NEXN: variants seen among roughly 807,000 people sequenced by gnomAD.
NEXN encodes the protein nexilin.
In NEXN, 65 loss-of-function variants were observed where a neutral mutation model predicts 92.6. The observed-to-expected ratio is 0.70, with a 90% confidence interval of 0.57 to 0.86. The LOEUF (loss-of-function observed/expected upper bound fraction) is 0.86, where lower values mean the gene tolerates loss of function less well. Among genes scored for constraint, NEXN ranks in the 40% least tolerant of loss-of-function variants. NEXN has a pLI of 0.00. For synonymous variants in NEXN, 254 were observed against 242.5 expected (o/e 1.05, Z -0.44); for missense variants, 778 against 771.1 (o/e 1.01, Z -0.11).
At chr1:77,894,732 T>TA (rs1647185503) in intron 1 of NEXN, among the ~76,000 whole-genome samples, 1 of 151,986 alleles carries the variant, frequency 6.6e-6, no homozygotes, top group South Asian at 2.1e-4. Flanking sequence ...TCCTTTTTTT[T>TA]AGAGATGGAG....
chr1:77,889,704 T>C (rs998190719), intron 1 of NEXN, among the ~76,000 whole-genome samples: 1 of 152,154 alleles, frequency 6.6e-6, no homozygotes, highest in African/African-American at 2.4e-5. Context: ...CATAAGGATA[T>C]GTCCTAACAA....
At chr1:77,917,867 T>C in intron 3 of NEXN, 93 bp from the exon 4 acceptor site, 2 of 1,428,930 alleles carry the variant, frequency 1.4e-6, no homozygotes, top group Non-Finnish European at 2.0e-6. Context: ...TAAAATACTT[T>C]TCTGTATTTG....
rs1650124356 is a variant in NEXN at position 77,929,494 on chromosome 1, G to A, written c.1043G>A (p.Arg348Lys). The A allele has an allele frequency of 1.2e-6, 2 of 1,612,322 alleles. No homozygotes were observed. Among genetic ancestry groups the A allele is most frequent in the Admixed American group, 1.7e-5 (1 of 60,004 alleles). ...GAAAAGAAGGCGTTTGCTGAAGCAA[G>A]GAGAAATATGGTAAGACAGAAGCTA... ...EEEKKAFAEA[R>K]RNMVVDDDSP... Residue 348 changes from arginine to lysine, a missense_variant, in exon 9 of 13, where the codon AGG becomes AAG. Around this residue, in one of 3 missense-constraint regions of NEXN, gnomAD observed 532 missense variants for 476.7 expected, o/e 1.12. Transcript: ENST00000334785.
chr1:77,910,714 G>A (rs1201937439), intron 1 of NEXN, among the ~76,000 whole-genome samples: 3 of 130,234 alleles, frequency 2.3e-5, no homozygotes, highest in African/African-American at 9.1e-5. Flanking sequence ...CTGTGCCATT[G>A]CACTCCAGCC....
chr1:77,918,005 A>T lies in NEXN; in HGVS notation c.265A>T (p.Lys89Ter). The part of the protein sequence containing the change: ...ASDDEEDVSS[K>*]VEKAYVPKLT... Reference sequence around the variant, plus strand: ...TGATGATGAGGAAGATGTATCTTCTAAAGTAGAAAAGGCTTATGTTCCAAA... The same window carrying T: ...TGATGATGAGGAAGATGTATCTTCTTAAGTAGAAAAGGCTTATGTTCCAAA... Residue 89 changes from lysine (K) to a stop codon, truncating the protein, a stop_gained, in exon 4 of 13, where the codon AAA (lysine) becomes TAA (stop). Transcript: ENST00000334785. LOFTEE classifies it high-confidence loss of function. 1 of 1,613,556 alleles carries T rather than the reference A, an allele frequency of 6.2e-7. No individual in the cohort carries two copies. The highest frequency in any genetic ancestry group is 8.5e-7 in the Non-Finnish European group (1 of 1,179,618).
intron 6 of NEXN, among the ~76,000 whole-genome samples, chr1:77,925,705 T>G (rs1649790451): frequency 6.6e-6 from 1 of 152,114 alleles, no homozygotes; most frequent in African/African-American, 2.4e-5. Context: ...CCCTTTTATC[T>G]AACAGAATAA....
In NEXN at chr1:77,926,601, C is replaced by T; in HGVS notation, c.677C>T (p.Ser226Leu). Residue 226 changes from serine (S) to leucine (L), a missense_variant, in exon 7 of 13, where the codon TCA becomes TTA. By Grantham distance (145) the Ser-to-Leu change is moderately radical. This residue lies in a region of NEXN where 236 missense variants were observed against 265.6 expected (regional missense o/e 0.89). Coordinates refer to ENST00000334785, the MANE Select transcript of NEXN (RefSeq NM_144573.4). ...TCTCTCAAGGAAGCAAAGTGTCTTT[C>T]ATTAGTTATGGTAAATTTTTGTTTG... ...RPSLKEAKCL[S>L]LVMDDEIESE... The T allele has an allele frequency of 6.2e-7, 1 of 1,613,886 alleles. No homozygotes were observed. Among genetic ancestry groups the T allele is most frequent in the Non-Finnish European group, 8.5e-7 (1 of 1,179,928 alleles).
At chr1:77,941,972 CTTT>C (rs919171337) in intron 11 of NEXN, 48 bp from the exon 12 acceptor site, 5 of 1,565,970 alleles carry the variant, frequency 3.2e-6, no homozygotes, top group African/African-American at 1.4e-5. Context: ...AGTAACGCTT[CTTT>C]GTTTTTAGAA....
At chr1:77,900,214 G>C (rs1337643579) in intron 1 of NEXN, among the ~76,000 whole-genome samples, 1 of 152,040 alleles carries the variant, frequency 6.6e-6, no homozygotes. Flanking sequence ...GTTCATTCTG[G>C]TTCTTTTTCC....
chr1:77,911,739 T>TTA (rs34038877), intron 1 of NEXN, among the ~76,000 whole-genome samples: 4,333 of 148,352 alleles, frequency 0.029, 102 homozygotes, highest in East Asian at 0.11. Flanking sequence ...ATAGCCTGTT[T>TTA]TATATATATA....
At chr1:77,901,763 A>G (rs1263613398) in intron 1 of NEXN, among the ~76,000 whole-genome samples, 1 of 152,156 alleles carries the variant, frequency 6.6e-6, no homozygotes, top group Non-Finnish European at 1.5e-5. Context: ...TTTCTTTAAC[A>G]TCACAGATCT....
chr1:77,941,849 C>T, intron 11 of NEXN, 174 bp from the exon 12 acceptor site: 1 of 619,600 alleles, frequency 1.6e-6, no homozygotes. Flanking sequence ...ATAAATGTAT[C>T]TATCACTTTT....
intron 1 of NEXN, among the ~76,000 whole-genome samples, chr1:77,903,949 G>A (rs1038566484): frequency 1.3e-5 from 2 of 152,084 alleles, no homozygotes; most frequent in Non-Finnish European, 2.9e-5. Context: ...GGGAGGAGAT[G>A]ATAAAATAAG....
In NEXN at chr1:77,900,774, G is replaced by T. The variant is rs1052771330; in HGVS notation, c.-53+12015G>T. Reference sequence around the variant, plus strand: ...AACCACCTGTTCCATCTTATCTTTTGATCACTGGTTTCTTTCTAATCGTAT... The same window carrying T: ...AACCACCTGTTCCATCTTATCTTTTTATCACTGGTTTCTTTCTAATCGTAT... On this transcript the variant is annotated intron_variant, in intron 1 of 12. Coordinates refer to ENST00000334785, the MANE Select transcript of NEXN (RefSeq NM_144573.4). 2.0e-5 allele frequency among the ~76,000 whole-genome samples: 3 copies of T among 152,062 alleles called. No individual in the cohort carries two copies. The East Asian group carries it at 5.8e-4, about 29-fold the overall frequency.
rs553786526 is a variant in NEXN at position 77,942,003 on chromosome 1, C to T, written c.1474-20C>T. The stretch of plus-strand genomic sequence containing the variant: ...TTTTAGAAGGCAAGCAATTGTTAAT[C>T]TTGGCCCACTTTCTTGCAGGAAGAT... On this transcript the variant is annotated intron_variant, in intron 11 of 12. Transcript: ENST00000334785. The T allele has an allele frequency of 6.2e-7, 1 of 1,608,546 alleles. No individual in the cohort carries two copies. Among genetic ancestry groups the T allele is most frequent in the East Asian group, 2.2e-5 (1 of 44,710 alleles).
chr1:77,897,827 T>G (rs1326491530), intron 1 of NEXN, among the ~76,000 whole-genome samples: 2 of 151,954 alleles, frequency 1.3e-5, no homozygotes, highest in African/African-American at 2.4e-5. Context: ...GGATACAAAA[T>G]CAATGTGCAA....
intron 1 of NEXN, among the ~76,000 whole-genome samples, chr1:77,891,472 A>C (rs1213020264): frequency 6.6e-6 from 1 of 151,916 alleles, no homozygotes; most frequent in Admixed American, 6.6e-5. Flanking sequence ...CCTTCTTGAC[A>C]TCTCTTCCTT....
At chr1:77,922,174 C>T (rs1219386991) in intron 5 of NEXN, among the ~76,000 whole-genome samples, 2 of 139,882 alleles carry the variant, frequency 1.4e-5, no homozygotes, top group Admixed American at 7.5e-5. Context: ...GAGTCTCGCT[C>T]TGTCACCCAG....
At chr1:77,896,018 A>G (rs889057075) in intron 1 of NEXN, among the ~76,000 whole-genome samples, 8 of 151,774 alleles carry the variant, frequency 5.3e-5, no homozygotes, top group African/African-American at 1.9e-4. Flanking sequence ...TGTACTAAAA[A>G]AAATTAGCCA....
Sources: allele counts gnomAD v4.1 joint callset (sites outside exome capture counted in the v4.1 genomes callset), GRCh38; gene constraint gnomAD v4.1.1; regional missense constraint gnomAD v4.1.1; transcripts MANE v1.5; gene names NCBI Gene and HGNC (gene_info 2026-07-23, HGNC 2026-07-21).